Variants in INTS1 observed in about 807,000 individuals in gnomAD.
INTS1 encodes integrator complex subunit 1.
INTS1 carries 137 observed loss-of-function variants against 241.6 expected under a neutral mutation model. The observed-to-expected ratio is 0.57, with a 90% CI of 0.49 to 0.65. The LOEUF (loss-of-function observed/expected upper bound fraction) is 0.65, where lower values mean the gene tolerates loss of function less well. INTS1 is among the 30% of genes least tolerant of loss of function. The pLI, the probability that INTS1 is intolerant of heterozygous loss-of-function variation, is 0.00. For missense variants in INTS1, 3,073 were observed against 3,032.2 expected, an observed-to-expected ratio of 1.01 and a Z score of -0.32; for synonymous variants, 1,692 against 1,337.8, an observed-to-expected ratio of 1.26 and a Z score of -5.78.
Position 1,478,838 on chromosome 7 carries a change from C to G in INTS1, c.4377G>C (p.Val1459=), listed in dbSNP as rs373706993. 4.0e-5 allele frequency: 64 copies of G among 1,610,782 alleles called. 1 individual carries two copies. In the Admixed American group the frequency reaches 5.0e-4, roughly 13 times the overall value. Residue 1459 remains valine, a synonymous_variant, in exon 32 of 48, where the codon GTG becomes GTC. Transcript: ENST00000404767. ...CCAGCCACTGCAGCATCTGCAGGAG[C>G]ACCTTCAGGAAGAGCGAGGAGAAGC... ...DTGFSSLFLK[V]LLQMLQWLDS...
At chr7:1,482,889 A>C in intron 26 of INTS1, 182 bp from the exon 27 acceptor site, 1 of 658,430 alleles carries the variant, frequency 1.5e-6, no homozygotes, top group South Asian at 1.9e-5. Context: ...AGGTGCACGC[A>C]TTTGATCCTC....
Position 1,497,902 on chromosome 7 carries a change from G to A in INTS1, c.1425+510C>T, listed in dbSNP as rs775539769. Among the ~76,000 whole-genome samples the A allele has an allele frequency of 3.3e-5, 5 of 152,194 alleles. No individual in the cohort carries two copies. Among genetic ancestry groups the A allele is most frequent in the Non-Finnish European group, 7.3e-5 (5 of 68,032 alleles). ...GGGCTACAGGGACCCCTGCTTAACC[G>A]AGGGACCCAATGCACAGGAGGCGGG... On this transcript the variant is annotated intron_variant, in intron 10 of 47. Coordinates refer to ENST00000404767, the MANE Select transcript of INTS1 (RefSeq NM_001080453.3). The surrounding 1 kb of genome is among the most constrained non-coding windows in gnomAD (Gnocchi z 5.3).
rs1323720057 is a variant in INTS1 at position 1,470,596 on chromosome 7, T to C, written c.6554A>G (p.His2185Arg). ...ACAGGCTCACATCACGGCCTCCATA[T>C]GCAGGATCCTCAGGGCCTCGGAGAT... ...AQISEALRILHMEAVM is the reference protein window; with the variant it reads ...AQISEALRILRMEAVM The change falls in exon 48 of 48, where the codon CAT (histidine) becomes CGT (arginine). Residue 2185 changes from histidine to arginine, a missense_variant. Coordinates refer to ENST00000404767, the MANE Select transcript of INTS1 (RefSeq NM_001080453.3). The C allele has an allele frequency of 4.4e-6, 7 of 1,576,104 alleles. No individual in the cohort carries two copies. The highest frequency in any genetic ancestry group is 1.7e-4 in the Middle Eastern group (1 of 5,960).
rs1781800767 is a variant in INTS1, at chr7:1,477,935, G to A, written c.4632C>T (p.Val1544=). 3 of 1,612,420 alleles carry A rather than the reference G, an allele frequency of 1.9e-6. No individual in the cohort carries two copies. The highest frequency in any genetic ancestry group is 1.7e-5 in the Admixed American group (1 of 60,016). The change falls in exon 34 of 48, where the codon GTC becomes GTT. Residue 1544 remains valine (V), a splice_region_variant and synonymous_variant. Coordinates refer to ENST00000404767, the MANE Select transcript of INTS1 (RefSeq NM_001080453.3). ...ACCTCACCTCGATCAGCCCCTGGAGGACTGCGCAAGGGACAAAGAGACATG... is the reference window on the plus strand; with the variant it reads ...ACCTCACCTCGATCAGCCCCTGGAGAACTGCGCAAGGGACAAAGAGACATG... ...CSVEPDLISK[V]LQGLIEVRSP...
At chr7:1,487,224 C>G in intron 20 of INTS1, 96 bp downstream of exon 20, 1 of 1,507,194 alleles carries the variant, frequency 6.6e-7, no homozygotes, top group Non-Finnish European at 9.0e-7. Flanking sequence ...GCCCCGCATC[C>G]AGGTGTGTCC....
chr7:1,486,997 A>G lies in INTS1; in HGVS notation c.2751T>C (p.Asp917=). 1.2e-6 allele frequency: 2 copies of G among 1,607,618 alleles called. No homozygotes were observed. The highest frequency in any genetic ancestry group is 1.7e-6 in the Non-Finnish European group (2 of 1,179,052). Residue 917 remains aspartate, a synonymous_variant, in exon 21 of 48, where the codon GAT becomes GAC. Coordinates refer to ENST00000404767, the MANE Select transcript of INTS1 (RefSeq NM_001080453.3). The part of the protein sequence containing the change: ...VQCLCEFLLH[D]AVDDAASGEE... ...CCCCGGAAGCAGCATCGTCCACAGCATCGTGCAGCAGGAACTCGCACAGAC... is the reference window on the plus strand; with the variant it reads ...CCCCGGAAGCAGCATCGTCCACAGCGTCGTGCAGCAGGAACTCGCACAGAC...
At chr7:1,478,909 G>T (rs191337812) in intron 31 of INTS1, 24 bp from the exon 32 acceptor site, 18,704 of 1,582,470 alleles carry the variant, frequency 0.012, 141 homozygotes, top group Admixed American at 0.018. Flanking sequence ...GTGGCACGTG[G>T]CTACCCTGGC....
chr7:1,479,195 C>T (rs1450085860), intron 31 of INTS1, among the ~76,000 whole-genome samples: 2 of 152,366 alleles, frequency 1.3e-5, no homozygotes, highest in South Asian at 2.1e-4. Flanking sequence ...AAGGCAGGAG[C>T]GCCGAGCCTG....
At chr7:1,482,509 G>T in intron 27 of INTS1, 37 bp downstream of exon 27, 1 of 1,563,306 alleles carries the variant, frequency 6.4e-7, no homozygotes, top group East Asian at 2.3e-5. Context: ...GGACCCCTGA[G>T]TCAGCAGCCC....
At position 1,483,749 on chromosome 7, in the gene INTS1, C is replaced by T. The variant is rs575924379; in HGVS notation, c.3534G>A (p.Pro1178=). ...GGGCCTGTGGCGGCTCACCTCGAGG[C>T]GGGCCCAGCGTCAGCAGGATCACCA... is the stretch of plus-strand genomic sequence containing the variant. ...HAMVILLTLG[P]PRADDSEFQA... is the part of the protein sequence containing the mutation. Residue 1178 remains proline (P), a synonymous_variant, in exon 26 of 48, where the codon CCG becomes CCA. Transcript: ENST00000404767. 84 of 1,609,798 alleles carry T rather than the reference C, an allele frequency of 5.2e-5. No homozygotes were observed. In the Middle Eastern group the frequency reaches 9.9e-4, roughly 19 times the overall value.
At chr7:1,504,237 G>A (rs1783353489) in intron 1 of INTS1, 86 bp downstream of exon 1, 3 of 563,354 alleles carry the variant, frequency 5.3e-6, no homozygotes, top group Non-Finnish European at 9.4e-6. Flanking sequence ...GAACCAGAAG[G>A]GACGGCCCAG....
At chr7:1,478,315 TG>T in intron 33 of INTS1, 50 bp downstream of exon 33, 6 of 1,597,266 alleles carry the variant, frequency 3.8e-6, no homozygotes, top group Non-Finnish European at 4.3e-6. Flanking sequence ...GCCTCAGGTT[TG>T]GGTCTTCCCA....
chr7:1,474,340 G>A lies in INTS1; in HGVS notation c.5657C>T (p.Ala1886Val), dbSNP rs762814619. 43 of 1,601,376 alleles carry A rather than the reference G, an allele frequency of 2.7e-5. No individual in the cohort carries two copies. The Admixed American group carries it at 4.2e-4, about 16-fold the overall frequency. The change falls in exon 41 of 48, where the codon GCG (alanine) becomes GTG (valine). Residue 1886 changes from alanine to valine, a missense_variant. Physicochemically the swap from Ala to Val is moderately conservative, Grantham distance 64. Transcript: ENST00000404767. ...LLLRHLPMIA[A>V]LLHGRTHLNF... The stretch of plus-strand genomic sequence containing the variant: ...GAGGTGGGTGCGGCCGTGCAGGAGC[G>A]CCGCGATCATGGGCAGGTGCCTGCG...
chr7:1,499,556 T>C lies in INTS1; in HGVS notation c.761A>G (p.Gln254Arg), dbSNP rs1783052568. 1 of 1,613,506 alleles carries C rather than the reference T, an allele frequency of 6.2e-7. No individual in the cohort carries two copies. The highest frequency in any genetic ancestry group is 2.2e-5 in the East Asian group (1 of 44,854). ...PHCKTFVDNI[Q>R]TAFNTRMPPR... is the part of the protein sequence containing the mutation. ...GGGCATTCTGGTGTTGAAGGCCGTC[T>C]GGATGTTGTCCACAAACGTCTTACA... Residue 254 changes from glutamine (Q) to arginine (R), a missense_variant, in exon 6 of 48, where the codon CAG becomes CGG. By Grantham distance (43) the Gln-to-Arg change is conservative. Coordinates refer to ENST00000404767, the MANE Select transcript of INTS1 (RefSeq NM_001080453.3).
intron 16 of INTS1, among the ~76,000 whole-genome samples, chr7:1,490,782 G>C (rs1201492003): frequency 6.6e-6 from 1 of 152,236 alleles, no homozygotes; most frequent in Non-Finnish European, 1.5e-5. Flanking sequence ...TCCTGGGAAA[G>C]AACAAAGTTG....
chr7:1,482,329 C>T (rs1782035250), intron 27 of INTS1: 1 of 445,112 alleles, frequency 2.2e-6, no homozygotes, highest in Admixed American at 4.0e-5. Context: ...CAGTAAGACC[C>T]TCTCGGACGG....
In INTS1 at chr7:1,476,662, G is replaced by T. The variant is rs892362449; in HGVS notation, c.5064-5C>A. ...AGAGAGGCAGAGGGGTCGAACCTGTGGGGAGGCAAAGGTTCCAGAGCACGA... is the reference window on the plus strand; with the variant it reads ...AGAGAGGCAGAGGGGTCGAACCTGTTGGGAGGCAAAGGTTCCAGAGCACGA... On this transcript the variant is annotated splice_region_variant and splice_polypyrimidine_tract_variant and intron_variant, in intron 36 of 47. Coordinates refer to ENST00000404767, the MANE Select transcript of INTS1 (RefSeq NM_001080453.3). 3 of 1,612,710 alleles carry T rather than the reference G, an allele frequency of 1.9e-6. No homozygotes were observed. Among genetic ancestry groups the T allele is most frequent in the Admixed American group, 1.7e-5 (1 of 60,032 alleles).
At position 1,497,925 on chromosome 7, in the gene INTS1, G is replaced by A. The variant is rs984860572; in HGVS notation, c.1425+487C>T. On this transcript the variant is annotated intron_variant, in intron 10 of 47. Coordinates refer to ENST00000404767, the MANE Select transcript of INTS1 (RefSeq NM_001080453.3). The surrounding 1 kb of genome is among the most constrained non-coding windows in gnomAD (Gnocchi z 5.3). ...CCGAGGGACCCAATGCACAGGAGGC[G>A]GGTCTGGGCCAGGCACAGGGGCTCA... is the stretch of plus-strand genomic sequence containing the variant. Among the ~76,000 whole-genome samples the A allele has an allele frequency of 2.6e-5, 4 of 152,220 alleles. No individual in the cohort carries two copies. Among genetic ancestry groups the A allele is most frequent in the African/African-American group, 7.2e-5 (3 of 41,460 alleles).
chr7:1,492,824 C>A (rs916349825), intron 16 of INTS1, among the ~76,000 whole-genome samples, 186 bp downstream of exon 16: 4 of 148,210 alleles, frequency 2.7e-5, no homozygotes, highest in Non-Finnish European at 4.5e-5. Context: ...GAGTGGGGCG[C>A]GGGCTTACCC....
Sources: gnomAD v4.1 joint callset for allele counts (sites outside exome capture counted in the v4.1 genomes callset) on GRCh38, gnomAD v4.1.1 for gene constraint, Gnocchi (gnomAD v3.1) non-coding constraint, MANE v1.5 for transcripts, NCBI Gene and HGNC (gene_info 2026-07-23, HGNC 2026-07-21) for gene names.